GALNT13: variants seen among roughly 807,000 people sequenced by gnomAD.
GALNT13 encodes polypeptide N-acetylgalactosaminyltransferase 13.
In GALNT13, 28 loss-of-function variants were observed where a neutral mutation model predicts 64.2. The ratio of observed to expected loss-of-function variants is 0.44; its 90% CI spans 0.32 to 0.60. The LOEUF (loss-of-function observed/expected upper bound fraction) is 0.60. Ranked by LOEUF, GALNT13 falls within the 20% of genes least tolerant of loss-of-function variation. The pLI, the probability that GALNT13 is intolerant of heterozygous loss-of-function variation, is 0.05. For missense variants in GALNT13, 577 were observed against 669.8 expected (o/e 0.86, Z 1.53); for synonymous variants, 214 against 224.6 (o/e 0.95, Z 0.42).
intron 3 of GALNT13, among the ~76,000 whole-genome samples, chr2:154,033,966 A>C (rs951924540): frequency 6.6e-6 from 1 of 152,068 alleles, no homozygotes; most frequent in African/African-American, 2.4e-5. Flanking sequence ...AACAAACAAA[A>C]AAAACCCTGA....
the GALNT13 span, among the ~76,000 whole-genome samples, chr2:153,274,868 A>T: frequency 6.6e-6 from 1 of 152,232 alleles, no homozygotes; most frequent in Non-Finnish European, 1.5e-5. Flanking sequence ...CTACAAAATG[A>T]TGAAGATTGT....
the GALNT13 span, among the ~76,000 whole-genome samples, chr2:153,154,394 C>T: frequency 6.6e-6 from 1 of 152,122 alleles, no homozygotes; most frequent in Non-Finnish European, 1.5e-5. Flanking sequence ...TCCATTAAGT[C>T]TCTTTTTCTT....
At chr2:153,786,671 C>T in the GALNT13 span, among the ~76,000 whole-genome samples, 1 of 152,198 alleles carries the variant, frequency 6.6e-6, no homozygotes, top group South Asian at 2.1e-4. Flanking sequence ...GCCAGCAGTG[C>T]AGCTGCTCCA....
chr2:153,667,928 A>G, the GALNT13 span, among the ~76,000 whole-genome samples: 3 of 152,192 alleles, frequency 2.0e-5, no homozygotes, highest in African/African-American at 4.8e-5. Context: ...AGAGAGAAAA[A>G]TCTACCAAGA....
the GALNT13 span, among the ~76,000 whole-genome samples, chr2:153,831,976 G>A: frequency 6.6e-6 from 1 of 152,092 alleles, no homozygotes; most frequent in Non-Finnish European, 1.5e-5. Flanking sequence ...CTTTGAGCAG[G>A]TCATTGCCAG....
the GALNT13 span, among the ~76,000 whole-genome samples, chr2:153,775,734 G>A: frequency 3.9e-5 from 6 of 152,006 alleles, no homozygotes; most frequent in Admixed American, 2.6e-4. Context: ...ATTCAAAGTT[G>A]TGCACTTATT....
chr2:153,245,828 A>G, the GALNT13 span, among the ~76,000 whole-genome samples: 1 of 151,952 alleles, frequency 6.6e-6, no homozygotes, highest in Non-Finnish European at 1.5e-5. Context: ...AGGCTTCAGA[A>G]GGTGGGTAAT....
intron 4 of GALNT13, among the ~76,000 whole-genome samples, chr2:154,216,977 G>A (rs1382264986): frequency 6.7e-6 from 1 of 149,736 alleles, no homozygotes; most frequent in Non-Finnish European, 1.5e-5. Context: ...TATTTTTTTA[G>A]AGATGGGGTC....
At chr2:154,317,667 A>G (rs1399450660) in intron 9 of GALNT13, among the ~76,000 whole-genome samples, 1 of 152,182 alleles carries the variant, frequency 6.6e-6, no homozygotes, top group Admixed American at 6.6e-5. Flanking sequence ...GAAAGAAGGC[A>G]GCTATACATC....
intron 3 of GALNT13, among the ~76,000 whole-genome samples, chr2:154,124,540 G>T (rs1184243540): frequency 2.0e-5 from 3 of 151,832 alleles, no homozygotes; most frequent in Non-Finnish European, 4.4e-5. Flanking sequence ...TTGATTTTTT[G>T]ATGCCTAGAC....
the GALNT13 span, among the ~76,000 whole-genome samples, chr2:153,651,080 A>G: frequency 1.3e-5 from 2 of 152,124 alleles, no homozygotes; most frequent in South Asian, 2.1e-4. Flanking sequence ...ACTGTACGGC[A>G]TTGTCCCTAT....
chr2:154,255,768 C>T (rs1690336827), intron 7 of GALNT13, among the ~76,000 whole-genome samples: 1 of 152,042 alleles, frequency 6.6e-6, no homozygotes, highest in Non-Finnish European at 1.5e-5. Context: ...TGGAAAGACT[C>T]AGGCCAGGTG....
chr2:153,235,615 C>T, the GALNT13 span, among the ~76,000 whole-genome samples: 2 of 152,098 alleles, frequency 1.3e-5, no homozygotes, highest in African/African-American at 2.4e-5. Context: ...AAGGTAACTA[C>T]TCATGAATTT....
chr2:153,216,312 A>G, the GALNT13 span, among the ~76,000 whole-genome samples: 2 of 152,142 alleles, frequency 1.3e-5, no homozygotes, highest in East Asian at 1.9e-4. Flanking sequence ...TTTGTTTCTC[A>G]TGAGTAAATA....
At chr2:153,852,120 A>T in the GALNT13 span, among the ~76,000 whole-genome samples, 1 of 152,196 alleles carries the variant, frequency 6.6e-6, no homozygotes, top group East Asian at 1.9e-4. Context: ...CAGAAATAGA[A>T]GTAAAAAAAA....
intron 11 of GALNT13, among the ~76,000 whole-genome samples, chr2:154,428,539 T>C (rs1034290624): frequency 1.2e-4 from 19 of 152,202 alleles, no homozygotes; most frequent in Non-Finnish European, 2.5e-4. Context: ...AATGAATACA[T>C]GTATATGTAT....
At chr2:153,442,326 T>C in the GALNT13 span, among the ~76,000 whole-genome samples, 1 of 152,218 alleles carries the variant, frequency 6.6e-6, no homozygotes, top group Non-Finnish European at 1.5e-5. Context: ...AAGTTTTTGA[T>C]GTGCTGCTAG....
chr2:153,779,410 G>T, the GALNT13 span, among the ~76,000 whole-genome samples: 1 of 151,998 alleles, frequency 6.6e-6, no homozygotes, highest in African/African-American at 2.4e-5. Flanking sequence ...TGCTTCTCAG[G>T]CACCTCATTT....
chr2:153,725,319 G>A, the GALNT13 span, among the ~76,000 whole-genome samples: 8 of 151,398 alleles, frequency 5.3e-5, no homozygotes, highest in South Asian at 8.6e-4. Context: ...GGAGGGGAGA[G>A]GGGGGAGGGA....
Sources: gnomAD v4.1 joint callset for allele counts (sites outside exome capture counted in the v4.1 genomes callset) on GRCh38, gnomAD v4.1.1 for gene constraint, MANE v1.5 for transcripts, NCBI Gene and HGNC (gene_info 2026-07-23, HGNC 2026-07-21) for gene names.